The following CDH8 variants were observed in gnomAD, a reference collection of about 807,000 sequenced individuals.
CDH8 encodes cadherin 8.
Under a neutral mutation model 68.1 loss-of-function variants are expected in CDH8, and 17 were observed. The ratio of observed to expected loss-of-function variants is 0.25; its 90% CI spans 0.17 to 0.37. The LOEUF is 0.37. Ranked by LOEUF, CDH8 falls within the 10% of genes least tolerant of loss-of-function variation. The probability of loss-of-function intolerance (pLI) is 1.00; values close to 1 mark genes in which losing one functional copy is unlikely to be tolerated. For missense variants in CDH8, 763 were observed against 999.3 expected, an observed-to-expected ratio of 0.76 and a Z score of 3.19; for synonymous variants, 372 against 365.1, an observed-to-expected ratio of 1.02 and a Z score of -0.21.
intron 10 of CDH8, among the ~76,000 whole-genome samples, chr16:61,696,019 T>A (rs2142840434): frequency 6.6e-6 from 1 of 152,326 alleles, no homozygotes; most frequent in Middle Eastern, 3.4e-3. Context: ...TGTCTGTCAC[T>A]TACATTATAC....
chr16:61,662,038 TTGTC>T (rs1963568644), intron 10 of CDH8, among the ~76,000 whole-genome samples: 1 of 150,826 alleles, frequency 6.6e-6, no homozygotes, highest in African/African-American at 2.4e-5. Context: ...GATTTTTTAA[TTGTC>T]TGTTTACATG....
intron 2 of CDH8, among the ~76,000 whole-genome samples, chr16:61,927,644 T>A (rs1252691108): frequency 6.6e-6 from 1 of 152,094 alleles, no homozygotes; most frequent in African/African-American, 2.4e-5. Flanking sequence ...AAATCATGAG[T>A]AATGTTGGGG....
rs116654036 is a variant in CDH8, at chr16:61,900,391, C to T, written c.547+788G>A. On this transcript the variant is annotated intron_variant, in intron 3 of 11. Coordinates refer to ENST00000577390, the MANE Select transcript of CDH8 (RefSeq NM_001796.5). Reference sequence around the variant, plus strand: ...AAAAAATGGCTTTTGTAATCTTATACTTTGAACTTTAGATTCTGCCTACTA... The same window carrying T: ...AAAAAATGGCTTTTGTAATCTTATATTTTGAACTTTAGATTCTGCCTACTA... Among the ~76,000 whole-genome samples the T allele has an allele frequency of 7.0e-3, 1,073 of 152,222 alleles. 17 individuals are homozygous for T. The highest frequency in any genetic ancestry group is 0.025 in the African/African-American group (1,023 of 41,540).
chr16:61,955,043 T>C (rs933636557), intron 2 of CDH8, among the ~76,000 whole-genome samples: 2 of 152,206 alleles, frequency 1.3e-5, no homozygotes, highest in Non-Finnish European at 2.9e-5. Flanking sequence ...GAAATGGCAT[T>C]ACCAAGTCCA....
rs192010949 is a variant in CDH8 at position 61,963,873 on chromosome 16, T to G, written c.252+57279A>C. 2.8e-3 allele frequency among the ~76,000 whole-genome samples: 419 copies of G among 152,326 alleles called. 6 individuals are homozygous for G. The highest frequency in any genetic ancestry group is 1.5e-3 in the East Asian group (8 of 5,190). ...ACACTTTTAAGTTTGTTCAAACCCT[T>G]TCTATCTTGCTTATCTCTACAGAAA... On this transcript the variant is annotated intron_variant, in intron 2 of 11. Transcript: ENST00000577390.
At chr16:61,971,502 T>C (rs1212167480) in intron 2 of CDH8, among the ~76,000 whole-genome samples, 1 of 152,180 alleles carries the variant, frequency 6.6e-6, no homozygotes, top group African/African-American at 2.4e-5. Flanking sequence ...GAGGTGGGAA[T>C]GGTTGCATAC....
intron 2 of CDH8, among the ~76,000 whole-genome samples, chr16:61,903,572 A>C (rs779183031): frequency 2.3e-4 from 35 of 152,136 alleles, no homozygotes; most frequent in Non-Finnish European, 3.8e-4. Context: ...CGGCCTCCCA[A>C]AGTGCTGGGA....
At chr16:61,758,776 T>C (rs937420745) in intron 8 of CDH8, among the ~76,000 whole-genome samples, 2 of 152,170 alleles carry the variant, frequency 1.3e-5, no homozygotes, top group African/African-American at 2.4e-5. Flanking sequence ...AGAGTCTCAG[T>C]TCATAGATCA....
chr16:61,960,798 C>T (rs2150571329), intron 2 of CDH8, among the ~76,000 whole-genome samples: 1 of 152,218 alleles, frequency 6.6e-6, no homozygotes, highest in African/African-American at 2.4e-5. Flanking sequence ...TATACTTCAT[C>T]CTTTTAAAAA....
At chr16:61,752,249 A>T (rs1232894013) in intron 8 of CDH8, among the ~76,000 whole-genome samples, 1 of 152,200 alleles carries the variant, frequency 6.6e-6, no homozygotes, top group African/African-American at 2.4e-5. Flanking sequence ...TGCATATTCC[A>T]GGCAGACATG....
intron 8 of CDH8, among the ~76,000 whole-genome samples, chr16:61,772,751 C>A (rs956347409): frequency 7.9e-5 from 12 of 151,970 alleles, no homozygotes; most frequent in African/African-American, 2.9e-4. Context: ...AGGCATGGTC[C>A]CTGGACCTGC....
chr16:61,800,864 G>C (rs775114688), intron 7 of CDH8, among the ~76,000 whole-genome samples: 1 of 152,088 alleles, frequency 6.6e-6, no homozygotes, highest in East Asian at 1.9e-4. Flanking sequence ...TGTCAAACCA[G>C]AATGTAGAAA....
chr16:61,703,709 C>CG (rs756615080), intron 10 of CDH8, among the ~76,000 whole-genome samples: 1 of 152,094 alleles, frequency 6.6e-6, no homozygotes, highest in East Asian at 1.9e-4. Flanking sequence ...GGCGTGGTGG[C>CG]AGCGCCTGTA....
At chr16:61,791,286 TG>T (rs2142994658) in intron 7 of CDH8, among the ~76,000 whole-genome samples, 1 of 152,074 alleles carries the variant, frequency 6.6e-6, no homozygotes, top group African/African-American at 2.4e-5. Context: ...AACAAAATCC[TG>T]AACATGAGGA....
At chr16:61,900,187 T>C (rs1963943906) in intron 3 of CDH8, among the ~76,000 whole-genome samples, 1 of 152,162 alleles carries the variant, frequency 6.6e-6, no homozygotes, top group Non-Finnish European at 1.5e-5. Flanking sequence ...GGGCTTTAAA[T>C]AATGAATATA....
intron 3 of CDH8, among the ~76,000 whole-genome samples, chr16:61,896,799 C>G (rs1963875630): frequency 6.6e-6 from 1 of 152,052 alleles, no homozygotes; most frequent in African/African-American, 2.4e-5. Flanking sequence ...AAACAACAAC[C>G]AATTGTGGAA....
At chr16:61,856,996 T>G in intron 4 of CDH8, 123 bp downstream of exon 4, 1 of 1,148,442 alleles carries the variant, frequency 8.7e-7, no homozygotes, top group Non-Finnish European at 1.3e-6. Flanking sequence ...TGTCGCATAT[T>G]CAAATATTAT....
intron 2 of CDH8, among the ~76,000 whole-genome samples, chr16:61,981,780 A>C (rs747803928): frequency 1.8e-4 from 28 of 152,196 alleles, no homozygotes; most frequent in Non-Finnish European, 3.4e-4. Flanking sequence ...CAGGAAATGG[A>C]CAGTAATATA....
intron 2 of CDH8, among the ~76,000 whole-genome samples, chr16:61,969,052 A>G (rs11075447): frequency 0.49 from 75,169 of 152,140 alleles, 19,909 homozygotes; most frequent in East Asian, 0.87. Flanking sequence ...ACAAAAAGGA[A>G]CTGAAATAAA....
Sources: gnomAD v4.1 joint callset for allele counts (sites outside exome capture counted in the v4.1 genomes callset) on GRCh38, gnomAD v4.1.1 for gene constraint, MANE v1.5 for transcripts, NCBI Gene and HGNC (gene_info 2026-07-23, HGNC 2026-07-21) for gene names.